Variants in HLCS observed in about 807,000 individuals in gnomAD.
HLCS encodes biotin--protein ligase.
Under a neutral mutation model 75.0 loss-of-function variants are expected in HLCS, and 53 were observed. The observed-to-expected ratio is 0.71, with a 90% confidence interval of 0.57 to 0.89. HLCS has a LOEUF of 0.89. HLCS is among the 40% of genes least tolerant of loss of function. The probability of loss-of-function intolerance (pLI) is 0.00; values close to 1 mark genes in which losing one functional copy is unlikely to be tolerated. For synonymous variants in HLCS, 431 were observed against 428.6 expected, an observed-to-expected ratio of 1.01 and a Z score of -0.07; for missense variants, 966 against 1,074.0, an observed-to-expected ratio of 0.90 and a Z score of 1.41.
rs2089276393 is a variant in HLCS at position 36,748,817 on chromosome 21, T to C, written c.*5429A>G. ...AACACCAAGAGTAGCACCTTCAGAA[T>C]ATATTGAATAGGCATTAAATGCAAA... On this transcript the variant is annotated 3_prime_UTR_variant, in exon 11 of 11. Coordinates refer to ENST00000674895, the MANE Select transcript of HLCS (RefSeq NM_001352514.2). 1 of 152,652 alleles carries C rather than the reference T, an allele frequency of 6.6e-6. No homozygotes were observed. The highest frequency in any genetic ancestry group is 1.5e-5 in the Non-Finnish European group (1 of 68,048). The allele number at this position is 152,652 out of a possible 1,614,324, so 9.5% of individuals were successfully genotyped here.
chr21:36,835,268 G>A (rs1010244426), intron 6 of HLCS, among the ~76,000 whole-genome samples: 1 of 152,176 alleles, frequency 6.6e-6, no homozygotes, highest in South Asian at 2.1e-4. Flanking sequence ...AGAGTTTTAT[G>A]GAGCCAAGGA....
rs575236756 is a variant in HLCS, at chr21:36,774,621, T to C, written c.1893-7336A>G. ...ATGGTGGGGACAAATGTGTGTGTTT[T>C]ACGACTCCTCAAAAATTCTATACGT... On this transcript the variant is annotated intron_variant, in intron 6 of 10. Coordinates refer to ENST00000674895, the MANE Select transcript of HLCS (RefSeq NM_001352514.2). 5.9e-5 allele frequency among the ~76,000 whole-genome samples: 9 copies of C among 152,312 alleles called. No homozygotes were observed. The South Asian group carries it at 1.0e-3, about 18-fold the overall frequency.
intron 4 of HLCS, among the ~76,000 whole-genome samples, chr21:36,932,730 T>C (rs1001118024): frequency 6.6e-6 from 1 of 152,192 alleles, no homozygotes; most frequent in African/African-American, 2.4e-5. Flanking sequence ...TATAGAAGTA[T>C]TATGAAAATA....
At chr21:36,894,548 C>T (rs530506347) in intron 6 of HLCS, among the ~76,000 whole-genome samples, 3 of 152,086 alleles carry the variant, frequency 2.0e-5, no homozygotes, top group Non-Finnish European at 2.9e-5. Flanking sequence ...AACCTCACTT[C>T]GTAGTGTTAG....
chr21:36,871,311 C>T (rs1488576651), intron 6 of HLCS, among the ~76,000 whole-genome samples: 1 of 152,064 alleles, frequency 6.6e-6, no homozygotes, highest in Admixed American at 6.5e-5. Context: ...ACCCCAATAC[C>T]TAAAGAAGTA....
In HLCS at chr21:36,750,632, AG is replaced by A. The variant is rs1394877847; in HGVS notation, c.*3613del. On this transcript the variant is annotated 3_prime_UTR_variant, in exon 11 of 11. Coordinates refer to ENST00000674895, the MANE Select transcript of HLCS (RefSeq NM_001352514.2). ...ATTTACCAGAGCTATAAGATGGTTAAGGTAGACTAGTGGGGACTGCTACAGA... is the reference window on the plus strand; with the variant it reads ...ATTTACCAGAGCTATAAGATGGTTAAGTAGACTAGTGGGGACTGCTACAGA... 3.3e-5 allele frequency among the ~76,000 whole-genome samples: 5 copies of A among 152,096 alleles called. No homozygotes were observed. The highest frequency in any genetic ancestry group is 7.3e-5 in the Non-Finnish European group (5 of 68,030).
chr21:36,842,616 G>A lies in HLCS; in HGVS notation c.1892+54244C>T, dbSNP rs901605086. Among the ~76,000 whole-genome samples the A allele has an allele frequency of 4.6e-5, 7 of 152,040 alleles. No individual in the cohort carries two copies. In the South Asian group the frequency reaches 8.3e-4, roughly 18 times the overall value. On this transcript the variant is annotated intron_variant, in intron 6 of 10. Coordinates refer to ENST00000674895, the MANE Select transcript of HLCS (RefSeq NM_001352514.2). The surrounding 1 kb of genome is among the most constrained non-coding windows in gnomAD (Gnocchi z 4.2). ...AAGTTGGCTGGGTGTGGTGACGCAC[G>A]CCTGTAATGCCAGCTACTTGGGAGG...
chr21:36,846,889 T>A (rs1484206683), intron 6 of HLCS, among the ~76,000 whole-genome samples: 1 of 152,124 alleles, frequency 6.6e-6, no homozygotes, highest in African/African-American at 2.4e-5. Context: ...GGTCCAACAA[T>A]ACCAGATTTA....
intron 5 of HLCS, among the ~76,000 whole-genome samples, chr21:36,917,124 G>C (rs952194872): frequency 6.6e-6 from 1 of 151,974 alleles, no homozygotes; most frequent in Non-Finnish European, 1.5e-5. Flanking sequence ...CAAAAAATTG[G>C]GGGAGAAATA....
Position 36,912,934 on chromosome 21 carries a change from G to A in HLCS, c.1621-15803C>T, listed in dbSNP as rs114798891. On this transcript the variant is annotated intron_variant, in intron 5 of 10. Transcript: ENST00000674895. ...TCTCAGAACAAAAGTCATTTCCAAG[G>A]TGACTTTCCACCCACTTCTCCAGCT... Among the ~76,000 whole-genome samples, 1,094 of 152,212 alleles carry A rather than the reference G, an allele frequency of 7.2e-3. 12 individuals carry two copies. The highest frequency in any genetic ancestry group is 0.025 in the African/African-American group (1,056 of 41,518).
chr21:36,980,196 T>TAAAAA (rs113653823), intron 1 of HLCS, among the ~76,000 whole-genome samples: 23 of 139,748 alleles, frequency 1.6e-4, no homozygotes, highest in African/African-American at 6.1e-4. Flanking sequence ...TGACTATATT[T>TAAAAA]AAAAAAAAAA....
intron 6 of HLCS, among the ~76,000 whole-genome samples, chr21:36,822,484 C>T (rs1225008403): frequency 6.6e-6 from 1 of 152,154 alleles, no homozygotes; most frequent in Non-Finnish European, 1.5e-5. Flanking sequence ...ACACAGACTT[C>T]ATAAAGCATA....
rs778867377 is a variant in HLCS at position 36,937,033 on chromosome 21, T to C, written c.853A>G (p.Ser285Gly). The C allele has an allele frequency of 9.9e-6, 16 of 1,613,996 alleles. No homozygotes were observed. The highest frequency in any genetic ancestry group is 3.3e-5 in the Admixed American group (2 of 59,996). The change falls in exon 4 of 11, where the codon AGT (serine) becomes GGT (glycine). Residue 285 changes from serine to glycine, a missense_variant. By Grantham distance (56) the Ser-to-Gly change is moderately conservative (BLOSUM62 0). Coordinates refer to ENST00000674895, the MANE Select transcript of HLCS (RefSeq NM_001352514.2). ...GTCTCATCAGCAACACTCTCCAAAC[T>C]GCTGCTATAATCGTAGGGAAGGTCT... Reference protein sequence around the residue: ...IPDLPYDYSSSLESVADETSP... With the variant: ...IPDLPYDYSSGLESVADETSP...
At chr21:36,771,429 T>C (rs2060204627) in intron 6 of HLCS, among the ~76,000 whole-genome samples, 1 of 152,172 alleles carries the variant, frequency 6.6e-6, no homozygotes, top group Non-Finnish European at 1.5e-5. Flanking sequence ...ACTGTATTTC[T>C]ACAGAATTGA....
At chr21:36,929,693 A>T (rs1447957960) in intron 5 of HLCS, among the ~76,000 whole-genome samples, 1 of 152,204 alleles carries the variant, frequency 6.6e-6, no homozygotes, top group Non-Finnish European at 1.5e-5. Flanking sequence ...AAGCAGGGGG[A>T]TTAGCAAGAA....
chr21:36,840,770 G>A lies in HLCS; in HGVS notation c.1892+56090C>T, dbSNP rs570931759. ...TGGGATTACAGGCGCCCACCACCAC[G>A]CCTGGCTAATTTTTATATTTTTAGT... On this transcript the variant is annotated intron_variant, in intron 6 of 10. Coordinates refer to ENST00000674895, the MANE Select transcript of HLCS (RefSeq NM_001352514.2). 4.3e-3 allele frequency among the ~76,000 whole-genome samples: 652 copies of A among 151,956 alleles called. 5 individuals are homozygous for A. The highest frequency in any genetic ancestry group is 0.015 in the African/African-American group (616 of 41,424).
At chr21:36,837,448 C>A (rs909198081) in intron 6 of HLCS, among the ~76,000 whole-genome samples, 1 of 152,184 alleles carries the variant, frequency 6.6e-6, no homozygotes, top group Admixed American at 6.5e-5. Flanking sequence ...AAAACTTCAT[C>A]TTGGCCATGT....
chr21:36,815,389 C>A (rs1245718427), intron 6 of HLCS, among the ~76,000 whole-genome samples: 1 of 152,184 alleles, frequency 6.6e-6, no homozygotes, highest in Non-Finnish European at 1.5e-5. Flanking sequence ...TCTGAGGTTT[C>A]TTCTAATTCT....
At chr21:36,800,325 A>G (rs78465105) in intron 6 of HLCS, among the ~76,000 whole-genome samples, 4,618 of 152,236 alleles carry the variant, frequency 0.03, 125 homozygotes, top group African/African-American at 0.066. Flanking sequence ...GTACTCCGTA[A>G]CTACTTGGTG....
Sources: gnomAD v4.1 joint callset for allele counts (sites outside exome capture counted in the v4.1 genomes callset) on GRCh38, gnomAD v4.1.1 for gene constraint, Gnocchi (gnomAD v3.1) non-coding constraint, MANE v1.5 for transcripts, NCBI Gene and HGNC (gene_info 2026-07-23, HGNC 2026-07-21) for gene names.